UTP20: variants seen among roughly 807,000 people sequenced by gnomAD.
UTP20 encodes the protein small subunit processome component 20 homolog.
In UTP20, 164 loss-of-function variants were observed where a neutral mutation model predicts 329.5. The ratio of observed to expected loss-of-function variants is 0.50; its 90% CI spans 0.44 to 0.57. UTP20 has a LOEUF of 0.57. Among genes scored for constraint, UTP20 ranks in the 20% least tolerant of loss-of-function variants. The pLI is 0.00. For missense variants in UTP20, 3,055 were observed against 3,284.2 expected, an observed-to-expected ratio of 0.93 and a Z score of 1.71; for synonymous variants, 1,151 against 1,159.3, an observed-to-expected ratio of 0.99 and a Z score of 0.14.
At chr12:101,337,956 T>A in intron 29 of UTP20, 95 bp from the exon 30 acceptor site, 2 of 1,096,232 alleles carry the variant, frequency 1.8e-6, no homozygotes, top group East Asian at 5.0e-5. Context: ...TAATGTTGAA[T>A]ATTTGTTAAA....
chr12:101,383,461 C>G, intron 59 of UTP20, 82 bp from the exon 60 acceptor site: 1 of 1,542,622 alleles, frequency 6.5e-7, no homozygotes, highest in South Asian at 1.3e-5. Flanking sequence ...AGACTGAGCC[C>G]TGTTTTCTCA....
chr12:101,363,676 CTT>C lies in UTP20; in HGVS notation c.5892_5893del (p.Tyr1965Ter). On this transcript the variant is annotated frameshift_variant, in exon 45 of 62. Coordinates refer to ENST00000261637, the MANE Select transcript of UTP20 (RefSeq NM_014503.3). LOFTEE classifies it high-confidence loss of function. ...GCACGAAGAAGCAAAAGTTACGACT[CTT>C]ATGAAATCCTCGGCAAGTTTGTAGG... 6.2e-7 allele frequency: 1 copy of C among 1,613,244 alleles called. No homozygotes were observed. The highest frequency in any genetic ancestry group is 8.5e-7 in the Non-Finnish European group (1 of 1,179,224).
rs776906900 is a variant in UTP20 at position 101,375,577 on chromosome 12, A to AAT, written c.7264-47_7264-46insAT. 5.6e-6 allele frequency: 9 copies of AAT among 1,598,872 alleles called. No homozygotes were observed. The African/African-American group carries it at 1.2e-4, about 22-fold the overall frequency. On this transcript the variant is annotated intron_variant, in intron 55 of 61. Coordinates refer to ENST00000261637, the MANE Select transcript of UTP20 (RefSeq NM_014503.3). Reference sequence around the variant, plus strand: ...GCTGGAGTAAAATTGTCCATCAGATACTTTCAGATTGTTGTTTTCATTGAT... The same window carrying AAT: ...GCTGGAGTAAAATTGTCCATCAGATAATCTTTCAGATTGTTGTTTTCATTGAT...
At chr12:101,337,444 GTC>G (rs1404673577) in intron 29 of UTP20, among the ~76,000 whole-genome samples, 5 of 152,290 alleles carry the variant, frequency 3.3e-5, no homozygotes, top group African/African-American at 1.2e-4. Context: ...GAAAGCCTTT[GTC>G]TCTCTGCCCT....
intron 37 of UTP20, among the ~76,000 whole-genome samples, chr12:101,346,173 T>C (rs548556496): frequency 6.6e-6 from 1 of 152,192 alleles, no homozygotes; most frequent in East Asian, 1.9e-4. Flanking sequence ...TGCCTCAGCG[T>C]CCTGAGTAGC....
Position 101,355,071 on chromosome 12 carries a change from A to G in UTP20, c.5347A>G (p.Ile1783Val), listed in dbSNP as rs1434611335. 1 of 1,614,160 alleles carries G rather than the reference A, an allele frequency of 6.2e-7. No individual in the cohort carries two copies. The highest frequency in any genetic ancestry group is 2.2e-5 in the East Asian group (1 of 44,878). ...ERTIKNIQGTITGDILPRLHK... is the reference protein window; with the variant it reads ...ERTIKNIQGTVTGDILPRLHK... The stretch of plus-strand genomic sequence containing the variant: ...AACAATTAAAAATATCCAAGGAACC[A>G]TAACCGGGGATATTCTCCCCAGGCT... Residue 1783 changes from isoleucine to valine, a missense_variant, in exon 41 of 62, where the codon ATA becomes GTA. By Grantham distance (29) the Ile-to-Val change is conservative. This residue lies in a region of UTP20 where 2,445 missense variants were observed against 2,575.5 expected (regional missense o/e 0.95). Coordinates refer to ENST00000261637, the MANE Select transcript of UTP20 (RefSeq NM_014503.3).
rs1359882349 is a variant in UTP20 at position 101,383,325 on chromosome 12, G to A, written c.7929+12G>A. 3.1e-6 allele frequency: 5 copies of A among 1,608,454 alleles called. No individual in the cohort carries two copies. The African/African-American group carries it at 6.7e-5, about 22-fold the overall frequency. On this transcript the variant is annotated intron_variant, in intron 59 of 61. Coordinates refer to ENST00000261637, the MANE Select transcript of UTP20 (RefSeq NM_014503.3). ...GAAACCCCTTAAAGGTGCGATGAATGCACAGAATGACTGACAGTAGTCATT... is the reference window on the plus strand; with the variant it reads ...GAAACCCCTTAAAGGTGCGATGAATACACAGAATGACTGACAGTAGTCATT...
intron 57 of UTP20, among the ~76,000 whole-genome samples, chr12:101,380,792 A>G (rs1181613078): frequency 6.6e-6 from 1 of 151,020 alleles, no homozygotes; most frequent in African/African-American, 2.4e-5. Context: ...TGACCCCAGG[A>G]AGCAGAGGTT....
At chr12:101,382,035 A>AAAAGAG (rs1326601585) in intron 58 of UTP20, among the ~76,000 whole-genome samples, 3 of 151,030 alleles carry the variant, frequency 2.0e-5, no homozygotes, top group Non-Finnish European at 4.4e-5. Context: ...AAAAAAAAAA[A>AAAAGAG]AGAGAGAGAA....
chr12:101,319,426 T>C (rs939600511), intron 22 of UTP20, 119 bp from the exon 23 acceptor site: 28 of 665,100 alleles, frequency 4.2e-5, no homozygotes, highest in Non-Finnish European at 5.2e-5. Context: ...GTTTATATAA[T>C]AGTGAAACTA....
chr12:101,385,705 C>T lies in UTP20; in HGVS notation c.8179C>T (p.Arg2727Trp), dbSNP rs182798292. The change falls in exon 61 of 62, where the codon CGG becomes TGG. Residue 2727 changes from arginine (R) to tryptophan (W), a missense_variant. By Grantham distance (101) the Arg-to-Trp change is moderately radical (BLOSUM62 -3). Around this residue, in one of 3 missense-constraint regions of UTP20, gnomAD observed 337 missense variants for 345.5 expected, o/e 0.98. Transcript: ENST00000261637. The stretch of plus-strand genomic sequence containing the variant: ...ACAGGCTAATGAGAAAAGGGCACTC[C>T]GGAAAAAGAGGAAGGCCCTGGAGGT... ...QKQANEKRAL[R>W]KKRKALEFVT... is the part of the protein sequence containing the mutation. The T allele has an allele frequency of 4.2e-5, 68 of 1,609,660 alleles. No homozygotes were observed. Among genetic ancestry groups the T allele is most frequent in the East Asian group, 2.5e-4 (11 of 44,846 alleles).
chr12:101,340,477 A>G, intron 31 of UTP20, 46 bp from the exon 32 acceptor site: 1 of 1,213,994 alleles, frequency 8.2e-7, no homozygotes, highest in East Asian at 2.4e-5. Flanking sequence ...TCTTAGAGAA[A>G]TATCCTTGTA....
At chr12:101,333,195 A>G in intron 27 of UTP20, 106 bp from the exon 28 acceptor site, 1 of 1,086,002 alleles carries the variant, frequency 9.2e-7, no homozygotes, top group Non-Finnish European at 1.3e-6. Flanking sequence ...TAGTAACAGG[A>G]TTTCCAGTTT....
In UTP20 at chr12:101,285,882, G is replaced by T; in HGVS notation, c.326+1G>T. On this transcript the variant is annotated splice_donor_variant, in intron 4 of 61. Coordinates refer to ENST00000261637, the MANE Select transcript of UTP20 (RefSeq NM_014503.3). LOFTEE classifies it high-confidence loss of function. ...GTTTTGCCTATCAACCCCTTTTGGA[G>T]TAAGTAGCATCTTGAGAGAAAGCTC... is the stretch of plus-strand genomic sequence containing the variant. The T allele has an allele frequency of 6.2e-7, 1 of 1,612,846 alleles. No individual in the cohort carries two copies. Among genetic ancestry groups the T allele is most frequent in the East Asian group, 2.2e-5 (1 of 44,822 alleles).
intron 47 of UTP20, 122 bp downstream of exon 47, chr12:101,366,821 ATTT>A: frequency 6.6e-6 from 7 of 1,060,092 alleles, no homozygotes; most frequent in South Asian, 2.0e-5. Context: ...TACATTTTAG[ATTT>A]TTTTTTTTTA....
intron 25 of UTP20, among the ~76,000 whole-genome samples, chr12:101,324,290 G>A (rs1868483154): frequency 6.6e-6 from 1 of 151,286 alleles, no homozygotes; most frequent in Non-Finnish European, 1.5e-5. Context: ...CAGGCTGGAA[G>A]GCAGTGGTGC....
chr12:101,340,406 C>T (rs1180232342), intron 31 of UTP20, 117 bp from the exon 32 acceptor site: 1 of 607,712 alleles, frequency 1.6e-6, no homozygotes, highest in Non-Finnish European at 2.8e-6. Context: ...TAAAAGCTAG[C>T]TGTGTATTGG....
rs149603349 is a variant in UTP20, at chr12:101,369,881, A to G, written c.6545A>G (p.Asn2182Ser). 9.4e-4 allele frequency: 1,518 copies of G among 1,613,690 alleles called. 1 individual carries two copies. Among genetic ancestry groups the G allele is most frequent in the Middle Eastern group, 4.7e-3 (28 of 6,012 alleles). ...GGCCAGAACTTCCACCTTGTGGTCA[A>G]TTGTTTCAAGGTGAGATGTCTTCAC... is the stretch of plus-strand genomic sequence containing the variant. ...ARGQNFHLVV[N>S]CFKCVTILVK... Residue 2182 changes from asparagine (N) to serine (S), a missense_variant, in exon 49 of 62, where the codon AAT becomes AGT. Asn to Ser is a conservative substitution (Grantham distance 46). This residue lies in a region of UTP20 where 2,445 missense variants were observed against 2,575.5 expected (regional missense o/e 0.95). Transcript: ENST00000261637.
At chr12:101,326,222 C>A (rs1191423773) in intron 25 of UTP20, among the ~76,000 whole-genome samples, 1 of 151,990 alleles carries the variant, frequency 6.6e-6, no homozygotes, top group East Asian at 1.9e-4. Flanking sequence ...CTGGGGCAAT[C>A]CTTATTTGAT....
Sources: allele counts gnomAD v4.1 joint callset (sites outside exome capture counted in the v4.1 genomes callset), GRCh38; gene constraint gnomAD v4.1.1; regional missense constraint gnomAD v4.1.1; transcripts MANE v1.5; gene names NCBI Gene and HGNC (gene_info 2026-07-23, HGNC 2026-07-21).